Variants in SERINC5 observed in about 807,000 individuals in gnomAD.
SERINC5 encodes serine incorporator 5, also known as chromosome 5 open reading frame 12.
SERINC5 carries 41 observed loss-of-function variants against 63.1 expected under a neutral mutation model. The observed-to-expected ratio is 0.65, with a 90% confidence interval of 0.51 to 0.84. The LOEUF is 0.84. SERINC5 is among the 40% of genes least tolerant of loss of function. SERINC5 has a pLI of 0.00. For synonymous variants in SERINC5, 222 were observed against 215.2 expected (o/e 1.03, Z -0.28); for missense variants, 523 against 573.0 (o/e 0.91, Z 0.89).
chr5:80,182,514 C>T (rs914457842), intron 2 of SERINC5, among the ~76,000 whole-genome samples: 4 of 148,502 alleles, frequency 2.7e-5, no homozygotes, highest in East Asian at 2.1e-4. Flanking sequence ...CTCTGTAGCT[C>T]AACATGCCAT....
chr5:80,250,051 G>A (rs1318811903), intron 1 of SERINC5, among the ~76,000 whole-genome samples: 1 of 152,092 alleles, frequency 6.6e-6, no homozygotes, highest in Non-Finnish European at 1.5e-5. Context: ...GAGCAATAGG[G>A]AACAAGAGTT....
At chr5:80,215,585 T>C (rs1219361945) in intron 1 of SERINC5, among the ~76,000 whole-genome samples, 1 of 152,242 alleles carries the variant, frequency 6.6e-6, no homozygotes, top group African/African-American at 2.4e-5. Flanking sequence ...AAATTTTATT[T>C]TGAGTTCAGA....
rs146175106 is a variant in SERINC5 at position 80,209,449 on chromosome 5, C to T, written c.28-6396G>A. Among the ~76,000 whole-genome samples, 804 of 152,288 alleles carry T rather than the reference C, an allele frequency of 5.3e-3. 6 individuals are homozygous for T. The highest frequency in any genetic ancestry group is 0.02 in the Middle Eastern group (6 of 294). On this transcript the variant is annotated intron_variant, in intron 1 of 11. Coordinates refer to ENST00000507668, the MANE Select transcript of SERINC5 (RefSeq NM_001174072.3). ...ACCCTGCACACACCTTGCTCTTGGA[C>T]TTCTGGCCTTCACAAGTGAGAAGCT...
intron 11 of SERINC5, among the ~76,000 whole-genome samples, chr5:80,125,330 G>A (rs191392202): frequency 7.4e-4 from 112 of 152,346 alleles, no homozygotes; most frequent in African/African-American, 2.5e-3. Flanking sequence ...GAGAGGCTGG[G>A]CAGAGGATCA....
chr5:80,138,226 A>G (rs965509879), downstream of SERINC5, among the ~76,000 whole-genome samples: 33 of 152,242 alleles, frequency 2.2e-4, no homozygotes, highest in African/African-American at 7.5e-4. Context: ...AGAACACAAA[A>G]TATCAGCCAG....
At chr5:80,122,689 C>T (rs1177292545) in intron 11 of SERINC5, among the ~76,000 whole-genome samples, 1 of 152,194 alleles carries the variant, frequency 6.6e-6, no homozygotes, top group Non-Finnish European at 1.5e-5. Flanking sequence ...GCCCTTTACA[C>T]AACAGAAGGG....
intron 5 of SERINC5, among the ~76,000 whole-genome samples, chr5:80,170,310 A>G (rs773262675): frequency 4.6e-5 from 7 of 152,090 alleles, no homozygotes; most frequent in Admixed American, 6.6e-5. Flanking sequence ...GTCCTTTTTT[A>G]TGGGAAGATA....
intron 1 of SERINC5, among the ~76,000 whole-genome samples, chr5:80,246,662 C>A (rs1349462229): frequency 6.6e-6 from 1 of 152,132 alleles, no homozygotes; most frequent in Non-Finnish European, 1.5e-5. Flanking sequence ...GGAAGAAAAG[C>A]CAAAAGTAAA....
At chr5:80,195,327 TC>T (rs1749432502) in intron 2 of SERINC5, among the ~76,000 whole-genome samples, 1 of 151,698 alleles carries the variant, frequency 6.6e-6, no homozygotes, top group South Asian at 2.1e-4. Context: ...TCAAATTATA[TC>T]CTAAGCAATA....
intron 2 of SERINC5, among the ~76,000 whole-genome samples, chr5:80,193,732 G>C (rs1749336667): frequency 6.6e-6 from 1 of 152,268 alleles, no homozygotes; most frequent in African/African-American, 2.4e-5. Flanking sequence ...AGTACAAAAC[G>C]ATTTCCCACC....
chr5:80,178,025 C>T lies in SERINC5; in HGVS notation c.235G>A (p.Gly79Ser), dbSNP rs1423380472. ...CCCACCAGCTTCTCACAGGTGTCAC[C>T]AGCTTTAATGCCTTTACACATATCT... ...FEDMCKGIKAGDTCEKLVGYS... is the reference protein window; with the variant it reads ...FEDMCKGIKASDTCEKLVGYS... The change falls in exon 3 of 12, where the codon GGT becomes AGT. Residue 79 changes from glycine (G) to serine (S), a missense_variant. By Grantham distance (56) the Gly-to-Ser change is moderately conservative. Transcript: ENST00000507668. The T allele has an allele frequency of 3.7e-6, 6 of 1,611,984 alleles. No individual in the cohort carries two copies. Among genetic ancestry groups the T allele is most frequent in the Non-Finnish European group, 5.1e-6 (6 of 1,179,186 alleles).
chr5:80,211,922 G>A (rs1193542906), intron 1 of SERINC5, among the ~76,000 whole-genome samples: 1 of 152,182 alleles, frequency 6.6e-6, no homozygotes, highest in African/African-American at 2.4e-5. Context: ...GATCCCAAAT[G>A]TGGGTCACAG....
intron 1 of SERINC5, among the ~76,000 whole-genome samples, chr5:80,211,959 G>T (rs1422153956): frequency 6.6e-6 from 1 of 152,120 alleles, no homozygotes; most frequent in Non-Finnish European, 1.5e-5. Flanking sequence ...TTGAGTTTTG[G>T]GGAGTATGAA....
intron 9 of SERINC5, among the ~76,000 whole-genome samples, chr5:80,149,242 C>T (rs1405735019): frequency 2.0e-5 from 3 of 152,168 alleles, no homozygotes; most frequent in African/African-American, 4.8e-5. Context: ...AACCATGCAA[C>T]CTCAGCAGGT....
chr5:80,159,377 G>C (rs935046720), intron 7 of SERINC5, among the ~76,000 whole-genome samples: 17 of 152,230 alleles, frequency 1.1e-4, no homozygotes, highest in South Asian at 4.1e-4. Flanking sequence ...TCATTTTGCT[G>C]TAAGTGATAT....
At chr5:80,185,225 C>A (rs1580131265) in intron 2 of SERINC5, among the ~76,000 whole-genome samples, 1 of 152,042 alleles carries the variant, frequency 6.6e-6, no homozygotes, top group Non-Finnish European at 1.5e-5. Context: ...TCCCTCCAAC[C>A]CTCAAAGCAA....
At chr5:80,116,267 C>T in intron 11 of SERINC5, 1 of 455,442 alleles carries the variant, frequency 2.2e-6, no homozygotes, top group Non-Finnish European at 4.4e-6. Context: ...ATGTTTCCAT[C>T]CCCTCTTGCA....
At chr5:80,138,312 T>G (rs1356056644), downstream of SERINC5, among the ~76,000 whole-genome samples, 1 of 151,646 alleles carries the variant, frequency 6.6e-6, no homozygotes, top group African/African-American at 2.4e-5. Flanking sequence ...ATTCTGAGAG[T>G]AGGCCGGGCA....
chr5:80,169,863 C>G (rs894137882), intron 5 of SERINC5, among the ~76,000 whole-genome samples: 6 of 152,106 alleles, frequency 3.9e-5, no homozygotes, highest in East Asian at 3.8e-4. Context: ...ACTGAGGCAA[C>G]AGTCTCAATC....
Sources: allele counts gnomAD v4.1 joint callset (sites outside exome capture counted in the v4.1 genomes callset), GRCh38; gene constraint gnomAD v4.1.1; transcripts MANE v1.5; gene names NCBI Gene and HGNC (gene_info 2026-07-23, HGNC 2026-07-21).